CNTLN: variants seen among roughly 807,000 people sequenced by gnomAD.
The protein encoded by CNTLN is centlein.
In CNTLN, 212 loss-of-function variants were observed where a neutral mutation model predicts 180.0. That is an observed-to-expected ratio of 1.18 (90% CI 1.05 to 1.32). The LOEUF (loss-of-function observed/expected upper bound fraction) is 1.32. Among genes scored for constraint, CNTLN ranks in the 40% most tolerant of loss-of-function variants. The pLI, the probability that CNTLN is intolerant of heterozygous loss-of-function variation, is 0.00. For synonymous variants in CNTLN, 722 were observed against 563.1 expected (o/e 1.28, Z -3.99); for missense variants, 2,095 against 1,610.9 (o/e 1.30, Z -5.14).
At chr9:17,458,461 A>G (rs1170284759) in intron 19 of CNTLN, among the ~76,000 whole-genome samples, 3 of 151,982 alleles carry the variant, frequency 2.0e-5, no homozygotes, top group South Asian at 2.1e-4. Flanking sequence ...GACCATTGCT[A>G]TAATGTGAGT....
intron 5 of CNTLN, among the ~76,000 whole-genome samples, chr9:17,270,499 G>A (rs140399095): frequency 1.3e-5 from 2 of 152,186 alleles, no homozygotes; most frequent in East Asian, 1.9e-4. Flanking sequence ...TTCAATACTA[G>A]TATAGCTTAT....
intron 2 of CNTLN, among the ~76,000 whole-genome samples, chr9:17,206,789 G>A (rs766004161): frequency 7.2e-5 from 11 of 152,198 alleles, no homozygotes; most frequent in African/African-American, 2.4e-4. Context: ...GTGTTGTTTC[G>A]GAGAAATCTC....
At chr9:17,250,799 A>C (rs888814578) in intron 5 of CNTLN, among the ~76,000 whole-genome samples, 1 of 152,068 alleles carries the variant, frequency 6.6e-6, no homozygotes, top group East Asian at 1.9e-4. Context: ...GAAGCCAAAT[A>C]GGTAATACTG....
At chr9:17,329,291 G>GA (rs1820495086) in intron 8 of CNTLN, among the ~76,000 whole-genome samples, 1 of 151,912 alleles carries the variant, frequency 6.6e-6, no homozygotes, top group Admixed American at 6.6e-5. Context: ...CCAACCAAAG[G>GA]AAATATTTCT....
At position 17,321,902 on chromosome 9, in the gene CNTLN, G is replaced by A. The variant is rs147938625; in HGVS notation, c.1342-8730G>A. ...TTATACTTTCTCTAGGTATCTTACTGTACAGGATCAAAATAACTTTCAATA... is the reference window on the plus strand; with the variant it reads ...TTATACTTTCTCTAGGTATCTTACTATACAGGATCAAAATAACTTTCAATA... On this transcript the variant is annotated intron_variant, in intron 8 of 25. Coordinates refer to ENST00000380647, the MANE Select transcript of CNTLN (RefSeq NM_017738.4). Among the ~76,000 whole-genome samples, 668 of 151,622 alleles carry A rather than the reference G, an allele frequency of 4.4e-3. 3 individuals are homozygous for A. The highest frequency in any genetic ancestry group is 0.015 in the African/African-American group (624 of 41,430).
intron 8 of CNTLN, among the ~76,000 whole-genome samples, chr9:17,318,863 TCC>T (rs1819714607): frequency 6.7e-6 from 1 of 150,298 alleles, no homozygotes; most frequent in Non-Finnish European, 1.5e-5. Context: ...CATCCATCCA[TCC>T]ATCCATCCAT....
At chr9:17,269,143 TGTA>T (rs148677362) in intron 5 of CNTLN, among the ~76,000 whole-genome samples, 1,975 of 152,300 alleles carry the variant, frequency 0.013, 45 homozygotes, top group African/African-American at 0.046. Flanking sequence ...TGCTGGGAAC[TGTA>T]GACCGGAGCT....
intron 18 of CNTLN, among the ~76,000 whole-genome samples, chr9:17,431,158 C>T (rs1260961616): frequency 1.3e-5 from 2 of 152,040 alleles, no homozygotes; most frequent in African/African-American, 4.8e-5. Flanking sequence ...TACTAATTTG[C>T]ATGTCCATCA....
chr9:17,348,925 G>A (rs1285783936), intron 12 of CNTLN, among the ~76,000 whole-genome samples: 1 of 152,036 alleles, frequency 6.6e-6, no homozygotes, highest in Non-Finnish European at 1.5e-5. Flanking sequence ...TGGTGAGCAG[G>A]GTTTTTGTTT....
At chr9:17,267,760 A>C (rs192756977) in intron 5 of CNTLN, among the ~76,000 whole-genome samples, 2 of 151,736 alleles carry the variant, frequency 1.3e-5, no homozygotes, top group African/African-American at 4.8e-5. Flanking sequence ...TTTTCTCTAA[A>C]CTTCTCTTCT....
chr9:17,517,840 G>C, the CNTLN span, among the ~76,000 whole-genome samples: 4 of 152,008 alleles, frequency 2.6e-5, no homozygotes, highest in African/African-American at 9.7e-5. Context: ...AATACAAAGG[G>C]TGGGGAGAAC....
chr9:17,493,741 A>C (rs911444051), intron 25 of CNTLN, among the ~76,000 whole-genome samples: 46 of 152,358 alleles, frequency 3.0e-4, no homozygotes, highest in African/African-American at 1.0e-3. Context: ...TAAAATATCT[A>C]AGCCAACCAC....
chr9:17,362,406 G>T (rs796977237), intron 12 of CNTLN, among the ~76,000 whole-genome samples: 4 of 152,238 alleles, frequency 2.6e-5, no homozygotes, highest in African/African-American at 9.6e-5. Flanking sequence ...GAAGCTGCCA[G>T]TATATATCAT....
intron 23 of CNTLN, among the ~76,000 whole-genome samples, chr9:17,467,953 C>A (rs971702192): frequency 6.6e-6 from 1 of 151,572 alleles, no homozygotes; most frequent in East Asian, 1.9e-4. Context: ...ATGTTCATTG[C>A]GGCACTGTTA....
chr9:17,441,893 G>A (rs1403687245), intron 18 of CNTLN, among the ~76,000 whole-genome samples: 2 of 151,918 alleles, frequency 1.3e-5, no homozygotes, highest in African/African-American at 4.8e-5. Context: ...GAGAAGGGGT[G>A]GCTATACCAA....
chr9:17,527,036 C>G, the CNTLN span, among the ~76,000 whole-genome samples: 1 of 152,238 alleles, frequency 6.6e-6, no homozygotes, highest in Admixed American at 6.5e-5. Context: ...CATCACCATG[C>G]TCAGCTAAGC....
At chr9:17,250,545 A>G (rs773002623) in intron 5 of CNTLN, among the ~76,000 whole-genome samples, 1 of 152,044 alleles carries the variant, frequency 6.6e-6, no homozygotes, top group Non-Finnish European at 1.5e-5. Context: ...TAGATTGCAC[A>G]TATCTTTCTA....
intron 2 of CNTLN, among the ~76,000 whole-genome samples, chr9:17,208,162 G>C (rs1043984361): frequency 6.6e-6 from 1 of 152,036 alleles, no homozygotes; most frequent in Non-Finnish European, 1.5e-5. Flanking sequence ...GTTTTTGAGG[G>C]TTTTTATCCT....
At chr9:17,434,115 A>G (rs12006143) in intron 18 of CNTLN, among the ~76,000 whole-genome samples, 5,251 of 152,206 alleles carry the variant, frequency 0.034, 294 homozygotes, top group African/African-American at 0.12. Flanking sequence ...TTCATTTCTG[A>G]TAAGAGGATT....
Sources: gnomAD v4.1 joint callset for allele counts (sites outside exome capture counted in the v4.1 genomes callset) on GRCh38, gnomAD v4.1.1 for gene constraint, MANE v1.5 for transcripts, NCBI Gene and HGNC (gene_info 2026-07-23, HGNC 2026-07-21) for gene names.